The following CLTRN variants were observed in gnomAD, a reference collection of about 807,000 sequenced individuals.
The protein encoded by CLTRN is collectrin, amino acid transport regulator, also known as collectrin.
Under a neutral mutation model 14.5 loss-of-function variants are expected in CLTRN, and 12 were observed. The observed-to-expected ratio is 0.83, with a 90% CI of 0.53 to 1.34. CLTRN has a LOEUF of 1.34. Ranked by LOEUF, CLTRN falls within the 40% of genes most tolerant of loss-of-function variation. CLTRN has a pLI of 0.00. For synonymous variants in CLTRN, 58 were observed against 56.5 expected (o/e 1.03, Z -0.12); for missense variants, 154 against 165.1 (o/e 0.93, Z 0.37).
chrX:15,631,222 C>T (rs1052579270), intron 5 of CLTRN, among the ~76,000 whole-genome samples: 2 of 111,827 alleles, frequency 1.8e-5, no homozygotes, highest in African/African-American at 6.5e-5. Flanking sequence ...TAAATTCCCC[C>T]AAAATCACTC....
chrX:15,651,473 T>G (rs1470988734), intron 3 of CLTRN, among the ~76,000 whole-genome samples: 1 of 110,530 alleles, frequency 9.0e-6, no homozygotes. Context: ...ACCCAGGACA[T>G]GGGGAGGACA....
intron 3 of CLTRN, among the ~76,000 whole-genome samples, chrX:15,652,301 A>G (rs1929235798): frequency 8.9e-6 from 1 of 112,278 alleles, no homozygotes; most frequent in African/African-American, 3.2e-5. Flanking sequence ...CATTAGCACA[A>G]CTAAATAAAA....
At chrX:15,662,093 T>C (rs1189163372) in intron 2 of CLTRN, among the ~76,000 whole-genome samples, 1 of 110,979 alleles carries the variant, frequency 9.0e-6, no homozygotes. Context: ...TGGGAATCCC[T>C]AAGGTTTCAC....
intron 4 of CLTRN, among the ~76,000 whole-genome samples, chrX:15,643,402 T>A (rs1169829290): frequency 3.6e-5 from 4 of 111,714 alleles, no homozygotes; most frequent in Non-Finnish European, 5.6e-5. Flanking sequence ...CCTAAATAGA[T>A]TCTCCTGCTA....
intron 4 of CLTRN, among the ~76,000 whole-genome samples, chrX:15,641,636 C>CTGTGTGTGTGTGTGTGTGTG (rs56407617): frequency 3.4e-5 from 3 of 88,492 alleles, no homozygotes; most frequent in African/African-American, 1.3e-4. Flanking sequence ...CCACACCTGG[C>CTGTGTGTGTGTGTGTGTGTG]TGTGTGTGTG....
chrX:15,674,688 A>G (rs760277831), intron 1 of CLTRN, among the ~76,000 whole-genome samples: 1 of 112,858 alleles, frequency 8.9e-6, no homozygotes, highest in South Asian at 3.6e-4. Context: ...CAGGACCTGG[A>G]CAGTCCTCTC....
At chrX:15,636,919 C>G (rs755029407) in intron 5 of CLTRN, among the ~76,000 whole-genome samples, 3 of 111,491 alleles carry the variant, frequency 2.7e-5, no homozygotes, top group Non-Finnish European at 3.8e-5. Context: ...GTAAAGGGCA[C>G]AGCTGGTATT....
rs777933427 is a variant in CLTRN, at chrX:15,627,940, T to C, written c.*31A>G. ...CAGCAGTCACACAGAAACAAATGTT[T>C]AATTTCTTGAGGAAGCAGAACAACA... On this transcript the variant is annotated 3_prime_UTR_variant, in exon 6 of 6. Coordinates refer to ENST00000380342, the MANE Select transcript of CLTRN (RefSeq NM_020665.6). 9 of 991,224 alleles carry C rather than the reference T, an allele frequency of 9.1e-6. No homozygotes were observed. Among genetic ancestry groups the C allele is most frequent in the Non-Finnish European group, 9.1e-6 (7 of 773,388 alleles). The allele number at this position is 991,224 out of a possible 1,213,427, so 81.7% of individuals were successfully genotyped here. A position where few individuals can be genotyped will look rare whatever the true frequency, so the allele number is the denominator to read the frequency against.
intron 5 of CLTRN, among the ~76,000 whole-genome samples, chrX:15,628,504 C>T (rs1282405272): frequency 8.9e-6 from 1 of 112,080 alleles, no homozygotes; most frequent in Non-Finnish European, 1.9e-5. Flanking sequence ...ATAGTAAATT[C>T]GCAAGTTTAA....
chrX:15,656,451 T>C (rs143316930), intron 3 of CLTRN, among the ~76,000 whole-genome samples: 412 of 111,645 alleles, frequency 3.7e-3, no homozygotes, highest in African/African-American at 0.011. Context: ...TTTTCTGCAA[T>C]ATTAGTAGAT....
At chrX:15,673,769 T>C (rs180774083) in intron 1 of CLTRN, among the ~76,000 whole-genome samples, 134 of 112,442 alleles carry the variant, frequency 1.2e-3, no homozygotes, top group African/African-American at 4.2e-3. Context: ...TACTGGCATA[T>C]GTAGAAGTGT....
chrX:15,644,480 T>C (rs1410513713), intron 4 of CLTRN, among the ~76,000 whole-genome samples: 2 of 111,869 alleles, frequency 1.8e-5, no homozygotes, highest in East Asian at 5.6e-4. Flanking sequence ...CATTAACTAA[T>C]GAGATAAAAT....
chrX:15,644,805 T>C, intron 4 of CLTRN, 111 bp downstream of exon 4: 1 of 478,863 alleles, frequency 2.1e-6, no homozygotes, highest in Non-Finnish European at 3.4e-6. Flanking sequence ...GTCATTTTAA[T>C]AAATAATTCA....
At chrX:15,639,890 T>C (rs1928900866) in intron 4 of CLTRN, 134 bp from the exon 5 acceptor site, 6 of 649,565 alleles carry the variant, frequency 9.2e-6, no homozygotes, top group Non-Finnish European at 1.4e-5. Context: ...AGACTTCAAG[T>C]TGACTAAAAA....
At chrX:15,672,213 ATG>A (rs1371362699) in intron 1 of CLTRN, among the ~76,000 whole-genome samples, 2 of 111,885 alleles carry the variant, frequency 1.8e-5, no homozygotes, top group Non-Finnish European at 3.8e-5. Flanking sequence ...AAAAAAAAGT[ATG>A]TGTGTCTGTG....
chrX:15,664,684 T>G, intron 1 of CLTRN, 34 bp downstream of exon 1: 1 of 1,123,207 alleles, frequency 8.9e-7, no homozygotes, highest in Non-Finnish European at 1.2e-6. Context: ...TGTAGAAAAC[T>G]GTTCATCTAT....
chrX:15,664,167 T>C (rs761334065), intron 2 of CLTRN, among the ~76,000 whole-genome samples, 170 bp downstream of exon 2: 2 of 112,619 alleles, frequency 1.8e-5, no homozygotes, highest in Non-Finnish European at 3.7e-5. Context: ...AAACCTACTT[T>C]ATTAAAAATT....
chrX:15,645,891 C>A (rs1230098631), intron 3 of CLTRN, among the ~76,000 whole-genome samples: 1 of 112,932 alleles, frequency 8.9e-6, no homozygotes, highest in Admixed American at 9.3e-5. Flanking sequence ...TAACATCCAT[C>A]CTAGAAGAAT....
chrX:15,636,227 T>C (rs1324753621), intron 5 of CLTRN, among the ~76,000 whole-genome samples: 4 of 112,437 alleles, frequency 3.6e-5, no homozygotes, highest in Non-Finnish European at 7.5e-5. Context: ...AACCATTATG[T>C]CAAAGAGATT....
Sources: allele counts gnomAD v4.1 joint callset (sites outside exome capture counted in the v4.1 genomes callset), GRCh38; gene constraint gnomAD v4.1.1; transcripts MANE v1.5; gene names NCBI Gene and HGNC (gene_info 2026-07-23, HGNC 2026-07-21).